The following SMURF1 variants were observed in gnomAD, a reference collection of about 807,000 sequenced individuals.
The protein encoded by SMURF1 is E3 ubiquitin-protein ligase SMURF1.
Under a neutral mutation model 98.0 loss-of-function variants are expected in SMURF1, and 44 were observed. The observed-to-expected ratio is 0.45, with a 90% CI of 0.35 to 0.58. The LOEUF is 0.58. SMURF1 is among the 20% of genes least tolerant of loss of function. The pLI is 0.00. For missense variants in SMURF1, 687 were observed against 938.4 expected, an observed-to-expected ratio of 0.73 and a Z score of 3.50; for synonymous variants, 396 against 374.9, an observed-to-expected ratio of 1.06 and a Z score of -0.65.
At chr7:99,040,916 C>T (rs1048419025) in intron 12 of SMURF1, among the ~76,000 whole-genome samples, 3 of 152,080 alleles carry the variant, frequency 2.0e-5, no homozygotes, top group East Asian at 1.9e-4. Context: ...CCATGCTGGA[C>T]GCGCACCCAG....
chr7:99,049,397 T>C, intron 9 of SMURF1, 166 bp downstream of exon 9: 1 of 716,632 alleles, frequency 1.4e-6, no homozygotes, highest in Non-Finnish European at 2.3e-6. Context: ...TCACAGCTAA[T>C]TTAAGAGTTT....
Position 99,038,479 on chromosome 7 carries a change from G to A in SMURF1, c.1597C>T (p.His533Tyr). ...PVLDHTFCVEHNAFGRILQHE... is the reference protein window; with the variant it reads ...PVLDHTFCVEYNAFGRILQHE... Reference sequence around the variant, plus strand: ...TGCAGGATCCGCCCGAAGGCGTTGTGTTCCACGCAGAAGGTGTGGTCCAGT... The same window carrying A: ...TGCAGGATCCGCCCGAAGGCGTTGTATTCCACGCAGAAGGTGTGGTCCAGT... The change falls in exon 14 of 18, where the codon CAC becomes TAC. Residue 533 changes from histidine (H) to tyrosine (Y), a missense_variant. Coordinates refer to ENST00000361368, the MANE Select transcript of SMURF1 (RefSeq NM_181349.3). 1 of 1,614,264 alleles carries A rather than the reference G, an allele frequency of 6.2e-7. No homozygotes were observed. The highest frequency in any genetic ancestry group is 8.5e-7 in the Non-Finnish European group (1 of 1,180,042).
intron 1 of SMURF1, among the ~76,000 whole-genome samples, chr7:99,100,180 T>C (rs1797044648): frequency 6.7e-6 from 1 of 150,054 alleles, no homozygotes. Flanking sequence ...CTTTTAACAA[T>C]ATAAACTAAG....
intron 13 of SMURF1, 81 bp downstream of exon 13, chr7:99,040,293 ACGCG>A (rs3033104): frequency 7.3e-5 from 91 of 1,240,246 alleles, no homozygotes; most frequent in African/African-American, 3.3e-4. Context: ...ATACACACAC[ACGCG>A]CGCGCGCGCG....
intron 5 of SMURF1, among the ~76,000 whole-genome samples, chr7:99,055,400 G>A (rs569672614): frequency 5.3e-5 from 8 of 151,976 alleles, no homozygotes; most frequent in Admixed American, 2.6e-4. Flanking sequence ...CCCAGGAGGC[G>A]GAGGTTACAG....
intron 11 of SMURF1, among the ~76,000 whole-genome samples, chr7:99,043,863 A>G (rs1359213513): frequency 6.6e-6 from 1 of 152,124 alleles, no homozygotes; most frequent in Non-Finnish European, 1.5e-5. Flanking sequence ...AAGAAAGGGG[A>G]AGCTATGGGA....
At chr7:99,057,132 G>T in intron 5 of SMURF1, 73 bp downstream of exon 5, 1 of 1,533,116 alleles carries the variant, frequency 6.5e-7, no homozygotes, top group Non-Finnish European at 9.0e-7. Context: ...GCCTGTATGT[G>T]AGTTCTCGGC....
intron 14 of SMURF1, 130 bp from the exon 15 acceptor site, chr7:99,037,317 A>G (rs1333085922): frequency 6.3e-6 from 7 of 1,118,038 alleles, no homozygotes; most frequent in Non-Finnish European, 9.2e-6. Flanking sequence ...GGCTCACTGC[A>G]ACCTCAGCCT....
intron 1 of SMURF1, among the ~76,000 whole-genome samples, chr7:99,095,381 G>GT (rs1336578454): frequency 6.6e-6 from 1 of 152,174 alleles, no homozygotes; most frequent in Non-Finnish European, 1.5e-5. Context: ...CAGGCGGACT[G>GT]TTTTTTTGTA....
At chr7:99,078,551 G>A (rs1414200999) in intron 1 of SMURF1, among the ~76,000 whole-genome samples, 1 of 151,964 alleles carries the variant, frequency 6.6e-6, no homozygotes, top group South Asian at 2.1e-4. Flanking sequence ...CACAGCAGGA[G>A]GTGAGCAGCC....
intron 5 of SMURF1, among the ~76,000 whole-genome samples, chr7:99,055,387 G>C (rs1224743938): frequency 2.0e-5 from 3 of 151,620 alleles, no homozygotes; most frequent in Non-Finnish European, 4.4e-5. Context: ...AGAATTGCTT[G>C]AACCCAGGAG....
chr7:99,103,080 C>T (rs1422934118), intron 1 of SMURF1, among the ~76,000 whole-genome samples: 2 of 152,094 alleles, frequency 1.3e-5, no homozygotes, highest in South Asian at 2.1e-4. Flanking sequence ...TGAGATTACA[C>T]GTATGAGCCA....
chr7:99,104,102 G>T (rs980612901), intron 1 of SMURF1, among the ~76,000 whole-genome samples: 1 of 152,086 alleles, frequency 6.6e-6, no homozygotes, highest in African/African-American at 2.4e-5. Flanking sequence ...GGCCAGGCTG[G>T]TCTAGAACTC....
chr7:99,057,604 T>TG, intron 3 of SMURF1, 53 bp from the exon 4 acceptor site: 1 of 1,407,714 alleles, frequency 7.1e-7, no homozygotes, highest in Non-Finnish European at 9.1e-7. Context: ...TTTTTTGTTT[T>TG]GTTTTTTTTT....
At chr7:99,096,724 C>T (rs1248078192) in intron 1 of SMURF1, among the ~76,000 whole-genome samples, 4 of 152,162 alleles carry the variant, frequency 2.6e-5, no homozygotes, top group Non-Finnish European at 5.9e-5. Context: ...GACGTAAAAA[C>T]TCTAATCAGC....
At chr7:99,043,698 T>G (rs1795470045) in intron 11 of SMURF1, among the ~76,000 whole-genome samples, 1 of 152,228 alleles carries the variant, frequency 6.6e-6, no homozygotes, top group African/African-American at 2.4e-5. Context: ...TGTTCCGCTG[T>G]GTGTTAGGTG....
rs985062193 is a variant in SMURF1, at chr7:99,042,319, G to A, written c.1257-87C>T. On this transcript the variant is annotated intron_variant, in intron 11 of 17. Coordinates refer to ENST00000361368, the MANE Select transcript of SMURF1 (RefSeq NM_181349.3). ...CCCTGAGATGGAGTCTCACTCTGTCGCCCAGGCTGGAGTGCAGTGGCATGA... is the reference window on the plus strand; with the variant it reads ...CCCTGAGATGGAGTCTCACTCTGTCACCCAGGCTGGAGTGCAGTGGCATGA... 6.6e-5 allele frequency: 57 copies of A among 862,536 alleles called. No homozygotes were observed. The African/African-American group carries it at 7.9e-4, about 12-fold the overall frequency. 53.4% of individuals were successfully genotyped at this position (862,536 alleles called of 1,614,324 possible). A position where few individuals can be genotyped will look rare whatever the true frequency, so the allele number is the denominator to read the frequency against.
At chr7:99,072,029 T>C (rs1796335607) in intron 1 of SMURF1, among the ~76,000 whole-genome samples, 1 of 151,920 alleles carries the variant, frequency 6.6e-6, no homozygotes, top group Non-Finnish European at 1.5e-5. Flanking sequence ...CGGTAAGCTA[T>C]GACTGCACCA....
chr7:99,144,040 TCCGCCG>T lies in SMURF1; in HGVS notation c.-266_-261del, dbSNP rs1563049903. 6.3e-4 allele frequency: 128 copies of T among 201,906 alleles called. No homozygotes were observed. Among genetic ancestry groups the T allele is most frequent in the Non-Finnish European group, 1.6e-4 (17 of 105,034 alleles). The allele number at this position is 201,906 out of a possible 1,614,324, so 12.5% of individuals were successfully genotyped here. On this transcript the variant is annotated 5_prime_UTR_variant, in exon 1 of 18. Transcript: ENST00000361368. ...AGCCGCCGCCGCCTCCGCCGCCGCC[TCCGCCG>T]CCTCCACCACCTCAGAGCCGGACGC...
Sources: allele counts gnomAD v4.1 joint callset (sites outside exome capture counted in the v4.1 genomes callset), GRCh38; gene constraint gnomAD v4.1.1; transcripts MANE v1.5; gene names NCBI Gene and HGNC (gene_info 2026-07-23, HGNC 2026-07-21).